RTL9: variants seen among roughly 807,000 people sequenced by gnomAD.
RTL9 encodes retrotransposon Gag-like protein 9.
RTL9 carries 19 observed loss-of-function variants against 44.7 expected under a neutral mutation model. That is an observed-to-expected ratio of 0.42 (90% confidence interval 0.30 to 0.62). The LOEUF is 0.62. Among genes scored for constraint, RTL9 ranks in the 20% least tolerant of loss-of-function variants. The probability of loss-of-function intolerance (pLI) is 0.16; values close to 1 mark genes in which losing one functional copy is unlikely to be tolerated. For synonymous variants in RTL9, 407 were observed against 398.9 expected, an observed-to-expected ratio of 1.02 and a Z score of -0.24; for missense variants, 1,105 against 1,080.6, an observed-to-expected ratio of 1.02 and a Z score of -0.32.
chrX:110,451,511 C>T, exon 1 of RTL9: 10 of 1,212,033 alleles, frequency 8.3e-6, no homozygotes, highest in Non-Finnish European at 1.1e-5. Flanking sequence ...CTACCCCGCT[C>T]ATGTCAGATC....
At position 110,429,623 on chromosome X, in the gene RTL9, C is replaced by T. The variant is rs769160486; in HGVS notation, c.-168+10488C>T. On this transcript the variant is annotated intron_variant, in intron 1 of 3. Coordinates refer to the RTL9 transcript ENST00000465301. ...TCAGCCTCCCAAGTAGCTGGGATTA[C>T]GGGCCCATGCCACCATGCCCTGCTA... 5.9e-4 allele frequency among the ~76,000 whole-genome samples: 65 copies of T among 110,062 alleles called. 1 individual carries two copies. Among genetic ancestry groups the T allele is most frequent in the Non-Finnish European group, 7.6e-5 (4 of 52,805 alleles).
Position 110,368,110 on chromosome X carries a change from G to A in RTL9, c.-168+9194G>A, listed in dbSNP as rs750912865. Among the ~76,000 whole-genome samples the A allele has an allele frequency of 2.0e-3, 217 of 107,995 alleles. 1 individual carries two copies. The highest frequency in any genetic ancestry group is 6.9e-3 in the African/African-American group (206 of 29,703). 93.8% of individuals were successfully genotyped at this position (107,995 alleles called of 115,157 possible). On this transcript the variant is annotated intron_variant, in intron 1 of 2. Transcript: ENST00000520821. ...CCCACCATGGCCTCTCAAATTGTTG[G>A]GATTACAGGTGTGAGCCACTGCACC... is the stretch of plus-strand genomic sequence containing the variant.
At chrX:110,451,135 C>A (rs374690856) in exon 1 of RTL9, 19 of 1,210,730 alleles carry the variant, frequency 1.6e-5, no homozygotes, top group Non-Finnish European at 2.1e-5. Flanking sequence ...CCAGCTCCAT[C>A]CTCTGGAGTG....
In RTL9 at chrX:110,381,106, C is replaced by G. The variant is rs779932494; in HGVS notation, c.-168+22190C>G. 6.3e-5 allele frequency among the ~76,000 whole-genome samples: 7 copies of G among 111,946 alleles called. No individual in the cohort carries two copies. In the East Asian group the frequency reaches 2.0e-3, roughly 31 times the overall value. ...AATTGACAGGTGGGATCTAATTAAA[C>G]CAAAGAGCTTCTGCACAGCAAAAGA... is the stretch of plus-strand genomic sequence containing the variant. On this transcript the variant is annotated intron_variant, in intron 1 of 2. Transcript: ENST00000520821.
exon 1 of RTL9, chrX:110,451,291 G>C (rs2068938722): frequency 1.7e-6 from 2 of 1,211,438 alleles, no homozygotes; most frequent in African/African-American, 1.7e-5. Flanking sequence ...CCAGCTCCCA[G>C]CTCTGAGGCA....
upstream of RTL9, among the ~76,000 whole-genome samples, chrX:110,417,951 C>A (rs1032962463): frequency 2.7e-5 from 3 of 112,645 alleles, no homozygotes; most frequent in Non-Finnish European, 5.6e-5. Context: ...ACACAGGGTG[C>A]CATGTTCAGG....
At chrX:110,391,132 C>T (rs1244196195) in intron 1 of RTL9, among the ~76,000 whole-genome samples, 1 of 111,612 alleles carries the variant, frequency 9.0e-6, no homozygotes, top group Non-Finnish European at 1.9e-5. Context: ...CTCTTTTCTC[C>T]CAGGCTGATT....
intron 1 of RTL9, among the ~76,000 whole-genome samples, chrX:110,420,477 C>T (rs924016623): frequency 1.8e-5 from 2 of 112,168 alleles, no homozygotes; most frequent in Non-Finnish European, 3.8e-5. Flanking sequence ...CCACAGGGTA[C>T]AAGAAGGACT....
At chrX:110,442,243 CTCTCTGTG>C (rs1389196682) in intron 1 of RTL9, among the ~76,000 whole-genome samples, 46 of 103,813 alleles carry the variant, frequency 4.4e-4, no homozygotes, top group Non-Finnish European at 3.9e-4. Context: ...CTCTCTCTCT[CTCTCTGTG>C]TGTGTGTGTG....
At chrX:110,367,813 AATTT>A (rs1460840372) in intron 1 of RTL9, among the ~76,000 whole-genome samples, 3 of 109,250 alleles carry the variant, frequency 2.7e-5, no homozygotes, top group African/African-American at 1.0e-4. Flanking sequence ...AATAGTTAAA[AATTT>A]ATTTGTTTAG....
At position 110,452,580 on chromosome X, in the gene RTL9, A is replaced by G. The variant is rs749997120; in HGVS notation, c.1963A>G (p.Met655Val). 6 of 1,210,134 alleles carry G rather than the reference A, an allele frequency of 5.0e-6. No individual in the cohort carries two copies. In the African/African-American group the frequency reaches 7.0e-5, roughly 14 times the overall value. ...AGACACAGTTTCTGGAGCTCTGTCC[A>G]TGCCGCAAATGACAGACACAGCCTC... Residue 655 changes from methionine (M) to valine (V), a missense_variant, in exon 1 of 2, where the codon ATG (methionine) becomes GTG (valine). By Grantham distance (21) the Met-to-Val change is conservative. Transcript: ENST00000540313.
chrX:110,365,525 G>C (rs1048497787), intron 1 of RTL9, among the ~76,000 whole-genome samples: 7 of 111,570 alleles, frequency 6.3e-5, no homozygotes, highest in Non-Finnish European at 1.3e-4. Context: ...TCTTAATCCT[G>C]CTCTCCTGAG....
chrX:110,451,721 C>A, exon 1 of RTL9: 1 of 1,211,514 alleles, frequency 8.3e-7, no homozygotes. Flanking sequence ...CAGCCCCAGG[C>A]TCTGGGGCGA....
exon 1 of RTL9, chrX:110,451,482 C>G (rs1221467696): frequency 8.3e-7 from 1 of 1,211,850 alleles, no homozygotes; most frequent in Non-Finnish European, 1.1e-6. Flanking sequence ...AACAAGCACC[C>G]AAAACTCTGG....
At chrX:110,441,102 C>A (rs2148341460) in intron 1 of RTL9, among the ~76,000 whole-genome samples, 1 of 112,151 alleles carries the variant, frequency 8.9e-6, no homozygotes, top group Non-Finnish European at 1.9e-5. Context: ...AATTTGGTTT[C>A]CAATTCCAGC....
chrX:110,453,473 A>T, exon 1 of RTL9: 1 of 1,212,090 alleles, frequency 8.3e-7, no homozygotes, highest in East Asian at 3.0e-5. Context: ...TGTCCAAGCC[A>T]TTAATGAGAG....
chrX:110,453,649 C>G, exon 1 of RTL9: 1 of 1,212,120 alleles, frequency 8.3e-7, no homozygotes, highest in Admixed American at 2.2e-5. Flanking sequence ...TATACCGTGT[C>G]TGGAAGGATG....
intron 1 of RTL9, among the ~76,000 whole-genome samples, chrX:110,391,753 C>G (rs2068494977): frequency 1.8e-5 from 2 of 112,325 alleles, no homozygotes; most frequent in Non-Finnish European, 3.8e-5. Context: ...ACTGTCAACT[C>G]TCTTGTGCCA....
chrX:110,400,154 C>T (rs1455966890), intron 1 of RTL9, among the ~76,000 whole-genome samples: 1 of 107,696 alleles, frequency 9.3e-6, no homozygotes, highest in African/African-American at 3.4e-5. Context: ...TAATCTCTTA[C>T]ACACACATTT....
Sources: allele counts gnomAD v4.1 joint callset (sites outside exome capture counted in the v4.1 genomes callset), GRCh38; gene constraint gnomAD v4.1.1; transcripts MANE v1.5; gene names NCBI Gene and HGNC (gene_info 2026-07-23, HGNC 2026-07-21).